Variants in LHFPL3 observed in about 807,000 individuals in gnomAD.
The protein encoded by LHFPL3 is LHFPL tetraspan subfamily member 3, also known as LHFPL tetraspan subfamily member 3 protein.
Under a neutral mutation model 19.3 loss-of-function variants are expected in LHFPL3, and 5 were observed. The observed-to-expected ratio is 0.26, with a 90% CI of 0.14 to 0.54. The LOEUF is 0.54. Among genes scored for constraint, LHFPL3 ranks in the 20% least tolerant of loss-of-function variants. The pLI is 0.94. For synonymous variants in LHFPL3, 133 were observed against 126.2 expected, an observed-to-expected ratio of 1.05 and a Z score of -0.36; for missense variants, 249 against 307.4, an observed-to-expected ratio of 0.81 and a Z score of 1.42.
intron 2 of LHFPL3, among the ~76,000 whole-genome samples, chr7:104,843,975 C>T (rs1392647736): frequency 1.3e-5 from 2 of 152,108 alleles, no homozygotes; most frequent in East Asian, 3.8e-4. Context: ...GAGGAACTAA[C>T]TGGGCCCTGG....
At position 104,558,859 on chromosome 7, in the gene LHFPL3, A is replaced by T. The variant is rs1281687709; in HGVS notation, c.446-177816A>T. On this transcript the variant is annotated intron_variant, in intron 1 of 2. Transcript: ENST00000424859. ...TCCATCTTGAATTGATTTTTGTGTA[A>T]GGTGTAAGGAAGGGATCCAGTTTCA... Among the ~76,000 whole-genome samples the T allele has an allele frequency of 1.5e-4, 22 of 144,666 alleles. No individual in the cohort carries two copies. The East Asian group carries it at 3.5e-3, about 23-fold the overall frequency. The allele number at this position is 144,666 out of a possible 152,430, so 94.9% of individuals were successfully genotyped here. A position where few individuals can be genotyped will look rare whatever the true frequency, so the allele number is the denominator to read the frequency against.
At chr7:104,878,297 GGCAACCCTGTTTTGTGCAAGTCTATCA>G (rs992041648) in intron 2 of LHFPL3, among the ~76,000 whole-genome samples, 2 of 151,360 alleles carry the variant, frequency 1.3e-5, no homozygotes, top group Non-Finnish European at 2.9e-5. Context: ...GAAGGTTTGT[GGCAACCCTGTTTTGTGCAAGTCTATCA>G]GCACCATTTT....
intron 1 of LHFPL3, among the ~76,000 whole-genome samples, chr7:104,493,910 G>A (rs1331039831): frequency 1.3e-5 from 2 of 152,084 alleles, no homozygotes; most frequent in African/African-American, 2.4e-5. Context: ...CACTTGAGAT[G>A]TGCAGTAAGT....
intron 1 of LHFPL3, among the ~76,000 whole-genome samples, chr7:104,591,343 G>A (rs1299302599): frequency 6.6e-6 from 1 of 152,198 alleles, no homozygotes; most frequent in Non-Finnish European, 1.5e-5. Context: ...TTGTATGTCT[G>A]TAAAGTATTT....
chr7:104,620,035 A>G (rs1791416051), intron 1 of LHFPL3, among the ~76,000 whole-genome samples: 1 of 152,198 alleles, frequency 6.6e-6, no homozygotes, highest in South Asian at 2.1e-4. Flanking sequence ...GGCAGAGCTT[A>G]GGCCATAATG....
chr7:104,511,280 G>A (rs561652079), intron 1 of LHFPL3, among the ~76,000 whole-genome samples: 3 of 152,184 alleles, frequency 2.0e-5, no homozygotes, highest in African/African-American at 4.8e-5. Context: ...GACACCTATC[G>A]GAATAACTAA....
intron 2 of LHFPL3, among the ~76,000 whole-genome samples, chr7:104,771,282 T>C (rs762069033): frequency 6.6e-6 from 1 of 152,196 alleles, no homozygotes; most frequent in Non-Finnish European, 1.5e-5. Flanking sequence ...CACTTTCACT[T>C]GTTCAGATAT....
At chr7:104,710,336 A>G (rs1375245430) in intron 1 of LHFPL3, among the ~76,000 whole-genome samples, 2 of 152,038 alleles carry the variant, frequency 1.3e-5, no homozygotes, top group East Asian at 3.9e-4. Context: ...TGATTTTTGC[A>G]TTTTTTCTGA....
chr7:104,388,183 A>G (rs373991307), intron 1 of LHFPL3, among the ~76,000 whole-genome samples: 1 of 152,046 alleles, frequency 6.6e-6, no homozygotes, highest in African/African-American at 2.4e-5. Context: ...TATCCAATCC[A>G]CTGTTGATAG....
At chr7:104,467,043 C>T (rs17137837) in intron 1 of LHFPL3, among the ~76,000 whole-genome samples, 4,011 of 152,200 alleles carry the variant, frequency 0.026, 155 homozygotes, top group African/African-American at 0.092. Context: ...GCTTTGCATT[C>T]GTGCACCTTT....
intron 2 of LHFPL3, among the ~76,000 whole-genome samples, chr7:104,833,397 ATATTATAT>A: frequency 1.3e-4 from 1 of 7,440 alleles, no homozygotes; most frequent in South Asian, 8.5e-3. Flanking sequence ...TAGGATATAT[ATATTATAT>A]ATATATATAT....
At chr7:104,520,838 T>A in intron 1 of LHFPL3, among the ~76,000 whole-genome samples, 1 of 148,450 alleles carries the variant, frequency 6.7e-6, no homozygotes, top group Middle Eastern at 3.2e-3. Flanking sequence ...TCTTCTCTCT[T>A]TTTTTCTTTA....
intron 1 of LHFPL3, among the ~76,000 whole-genome samples, chr7:104,467,927 C>T (rs1174948735): frequency 6.6e-6 from 1 of 152,116 alleles, no homozygotes; most frequent in South Asian, 2.1e-4. Flanking sequence ...CCTTACTGTT[C>T]ATTGTTTTGC....
intron 1 of LHFPL3, among the ~76,000 whole-genome samples, chr7:104,593,786 T>C (rs1790780131): frequency 1.3e-5 from 2 of 152,210 alleles, no homozygotes; most frequent in Non-Finnish European, 2.9e-5. Context: ...CCCTTTACTA[T>C]TATGTAATGG....
chr7:104,861,981 T>C (rs1438203701), intron 2 of LHFPL3, among the ~76,000 whole-genome samples: 1 of 152,132 alleles, frequency 6.6e-6, no homozygotes, highest in Admixed American at 6.5e-5. Flanking sequence ...CTGTTTATTA[T>C]AAAAGCACTG....
chr7:104,800,872 G>A (rs1157432699), intron 2 of LHFPL3, among the ~76,000 whole-genome samples: 1 of 152,190 alleles, frequency 6.6e-6, no homozygotes, highest in Non-Finnish European at 1.5e-5. Context: ...AAAAGATCCA[G>A]ATAAGCTCCT....
At chr7:104,529,128 A>G (rs1794244719) in intron 1 of LHFPL3, among the ~76,000 whole-genome samples, 1 of 152,042 alleles carries the variant, frequency 6.6e-6, no homozygotes, top group Non-Finnish European at 1.5e-5. Context: ...ATGGCTTATT[A>G]CCTCTTTTGA....
At chr7:104,461,489 G>T (rs1429987096) in intron 1 of LHFPL3, among the ~76,000 whole-genome samples, 1 of 152,176 alleles carries the variant, frequency 6.6e-6, no homozygotes, top group African/African-American at 2.4e-5. Context: ...GTTTTCGTCA[G>T]CTTTGATGAA....
chr7:104,589,943 G>T (rs1012309136), intron 1 of LHFPL3, among the ~76,000 whole-genome samples: 8 of 152,220 alleles, frequency 5.3e-5, no homozygotes, highest in Admixed American at 3.3e-4. Flanking sequence ...GTATTTCTGT[G>T]GGATCGGTGG....
Sources: allele counts gnomAD v4.1 joint callset (sites outside exome capture counted in the v4.1 genomes callset), GRCh38; gene constraint gnomAD v4.1.1; transcripts MANE v1.5; gene names NCBI Gene and HGNC (gene_info 2026-07-23, HGNC 2026-07-21).